The following WDTC1 variants were observed in gnomAD, a reference collection of about 807,000 sequenced individuals.
WDTC1 encodes the protein WD and tetratricopeptide repeats 1.
In WDTC1, 12 loss-of-function variants were observed where a neutral mutation model predicts 76.0. The observed-to-expected ratio is 0.16, with a 90% confidence interval of 0.10 to 0.26. The LOEUF (loss-of-function observed/expected upper bound fraction) is 0.26, where lower values mean the gene tolerates loss of function less well. Among genes scored for constraint, WDTC1 ranks in the 10% least tolerant of loss-of-function variants. The pLI is 1.00. For synonymous variants in WDTC1, 326 were observed against 350.8 expected (o/e 0.93, Z 0.79); for missense variants, 511 against 908.8 (o/e 0.56, Z 5.63).
intron 3 of WDTC1, among the ~76,000 whole-genome samples, chr1:27,276,575 C>T (rs2147952772): frequency 6.6e-6 from 1 of 151,984 alleles, no homozygotes. Flanking sequence ...CACCTGTAGT[C>T]CCAGCTACTT....
At chr1:27,241,423 G>A (rs1298210040) in intron 1 of WDTC1, among the ~76,000 whole-genome samples, 5 of 152,192 alleles carry the variant, frequency 3.3e-5, no homozygotes, top group Non-Finnish European at 5.9e-5. Flanking sequence ...GAGAATGGGA[G>A]CTAGGCATTC....
chr1:27,238,634 C>T (rs1030302783), intron 1 of WDTC1, among the ~76,000 whole-genome samples: 30 of 152,094 alleles, frequency 2.0e-4, no homozygotes, highest in Admixed American at 9.2e-4. Flanking sequence ...GGCATGATCT[C>T]GGCTCACTGC....
At chr1:27,264,777 C>T (rs1384906924) in intron 3 of WDTC1, among the ~76,000 whole-genome samples, 1 of 151,954 alleles carries the variant, frequency 6.6e-6, no homozygotes, top group Non-Finnish European at 1.5e-5. Flanking sequence ...CGTGAACCAC[C>T]TCACCCAGCC....
intron 14 of WDTC1, 179 bp from the exon 15 acceptor site, chr1:27,304,822 A>G (rs759990370): frequency 5.1e-6 from 3 of 587,724 alleles, no homozygotes; most frequent in Non-Finnish European, 8.7e-6. Context: ...TAGGTTTAAG[A>G]GAACAGTGAC....
At chr1:27,287,942 C>G (rs1239160209) in intron 6 of WDTC1, 81 bp downstream of exon 6, 1 of 1,497,024 alleles carries the variant, frequency 6.7e-7, no homozygotes, top group East Asian at 2.5e-5. Flanking sequence ...AGACCTAGCT[C>G]TTTCCCTCCA....
intron 6 of WDTC1, among the ~76,000 whole-genome samples, chr1:27,291,566 G>A (rs112659983): frequency 7.2e-5 from 11 of 152,164 alleles, no homozygotes; most frequent in African/African-American, 1.7e-4. Flanking sequence ...AAGTTTCCCC[G>A]TCTGGAGCGG....
At chr1:27,287,551 C>A in intron 5 of WDTC1, 123 bp from the exon 6 acceptor site, 1 of 1,146,872 alleles carries the variant, frequency 8.7e-7, no homozygotes, top group Non-Finnish European at 1.2e-6. Context: ...CGCGCCCAGC[C>A]TGCATGGGCT....
intron 6 of WDTC1, among the ~76,000 whole-genome samples, chr1:27,291,832 A>G (rs1374558853): frequency 6.6e-6 from 1 of 152,174 alleles, no homozygotes; most frequent in Non-Finnish European, 1.5e-5. Context: ...AGGTTATTCA[A>G]CATCTTTGAA....
chr1:27,293,609 C>T (rs892706381), intron 7 of WDTC1, among the ~76,000 whole-genome samples: 2 of 151,988 alleles, frequency 1.3e-5, no homozygotes, highest in African/African-American at 4.8e-5. Flanking sequence ...TCAGAACCCC[C>T]ACAGCACTCT....
chr1:27,285,699 G>C (rs1463243466), intron 5 of WDTC1, among the ~76,000 whole-genome samples: 1 of 150,114 alleles, frequency 6.7e-6, no homozygotes, highest in Non-Finnish European at 1.5e-5. Context: ...GCTCACCGCT[G>C]CCTCAGCCTC....
At chr1:27,277,225 T>G (rs1019285064) in intron 3 of WDTC1, among the ~76,000 whole-genome samples, 2 of 152,124 alleles carry the variant, frequency 1.3e-5, no homozygotes, top group African/African-American at 4.8e-5. Flanking sequence ...TTGCTGGTGC[T>G]TTTGGTGTTG....
At chr1:27,251,221 A>G (rs1308874966) in intron 1 of WDTC1, among the ~76,000 whole-genome samples, 1 of 151,338 alleles carries the variant, frequency 6.6e-6, no homozygotes, top group African/African-American at 2.4e-5. Context: ...GTATCCTTTA[A>G]AATCATAGAG....
At chr1:27,242,920 A>G (rs571526898) in intron 1 of WDTC1, among the ~76,000 whole-genome samples, 2 of 152,288 alleles carry the variant, frequency 1.3e-5, no homozygotes, top group African/African-American at 2.4e-5. Flanking sequence ...GCAGTCCTAC[A>G]TGGGATTATT....
Position 27,305,219 on chromosome 1 carries a change from G to T in WDTC1, c.1836+26G>T, listed in dbSNP as rs916037087. 5 of 1,607,096 alleles carry T rather than the reference G, an allele frequency of 3.1e-6. No homozygotes were observed. In the South Asian group the frequency reaches 4.4e-5, roughly 14 times the overall value. On this transcript the variant is annotated intron_variant, in intron 15 of 15. Coordinates refer to ENST00000319394, the MANE Select transcript of WDTC1 (RefSeq NM_001276252.2). This position sits in a 1 kb window ranked among gnomAD's most constrained non-coding sequence, Gnocchi z 4.6. Reference sequence around the variant, plus strand: ...GTGAGGGTGCAGAGCCAAGCAGAGAGGAGGGCAGGGACTCTGTGGAAGGCT... The same window carrying T: ...GTGAGGGTGCAGAGCCAAGCAGAGATGAGGGCAGGGACTCTGTGGAAGGCT...
intron 1 of WDTC1, among the ~76,000 whole-genome samples, chr1:27,245,167 C>T (rs2011784709): frequency 1.3e-5 from 2 of 151,748 alleles, no homozygotes; most frequent in South Asian, 2.1e-4. Flanking sequence ...GGATTATTAT[C>T]GTACATGAAT....
At chr1:27,287,999 C>A (rs2013392763) in intron 6 of WDTC1, 138 bp downstream of exon 6, 2 of 1,089,670 alleles carry the variant, frequency 1.8e-6, no homozygotes, top group Non-Finnish European at 1.3e-6. Flanking sequence ...TGTCTGTGTA[C>A]AAACTCCACT....
intron 1 of WDTC1, among the ~76,000 whole-genome samples, chr1:27,242,236 G>A (rs1369650460): frequency 6.6e-6 from 1 of 151,982 alleles, no homozygotes; most frequent in Non-Finnish European, 1.5e-5. Flanking sequence ...AGGGTGAGAT[G>A]GGAGGATTGT....
rs975867106 is a variant in WDTC1 at position 27,273,148 on chromosome 1, G to A, written c.133-9091G>A. 9.9e-5 allele frequency among the ~76,000 whole-genome samples: 15 copies of A among 151,600 alleles called. No homozygotes were observed. The East Asian group carries it at 2.3e-3, about 23-fold the overall frequency. ...TCAGTGTCATAGGAAACAAAAAAGG[G>A]CTGAGGAACTGTCTCAGATTAAAAG... On this transcript the variant is annotated intron_variant, in intron 3 of 15. Coordinates refer to ENST00000319394, the MANE Select transcript of WDTC1 (RefSeq NM_001276252.2).
intron 6 of WDTC1, 99 bp downstream of exon 6, chr1:27,287,960 T>A: frequency 7.1e-7 from 1 of 1,416,116 alleles, no homozygotes; most frequent in Non-Finnish European, 9.5e-7. Context: ...CCAGCAGAGG[T>A]CCAACCTCCT....
Sources: allele counts gnomAD v4.1 joint callset (sites outside exome capture counted in the v4.1 genomes callset), GRCh38; gene constraint gnomAD v4.1.1; non-coding constraint Gnocchi (gnomAD v3.1); transcripts MANE v1.5; gene names NCBI Gene and HGNC (gene_info 2026-07-23, HGNC 2026-07-21).